Variants in SCFD2 observed in about 807,000 individuals in gnomAD.
SCFD2 encodes sec1 family domain-containing protein 2.
In SCFD2, 54 loss-of-function variants were observed where a neutral mutation model predicts 58.9. The observed-to-expected ratio is 0.92, with a 90% CI of 0.74 to 1.15. The LOEUF (loss-of-function observed/expected upper bound fraction) is 1.15. Ranked by LOEUF, SCFD2 falls within the 50% of genes most tolerant of loss-of-function variation. SCFD2 has a pLI of 0.00. For synonymous variants in SCFD2, 321 were observed against 335.9 expected, an observed-to-expected ratio of 0.96 and a Z score of 0.49; for missense variants, 805 against 836.6, an observed-to-expected ratio of 0.96 and a Z score of 0.47.
chr4:53,258,333 C>G (rs554060916), intron 4 of SCFD2, among the ~76,000 whole-genome samples: 1 of 151,986 alleles, frequency 6.6e-6, no homozygotes, highest in Middle Eastern at 3.4e-3. Flanking sequence ...ACACATTCCC[C>G]CAAGTCCCCA....
chr4:53,314,635 T>A (rs1330303952), intron 2 of SCFD2, among the ~76,000 whole-genome samples: 2 of 152,196 alleles, frequency 1.3e-5, no homozygotes, highest in African/African-American at 4.8e-5. Context: ...ATCCACTTAG[T>A]AATAGTTCAA....
At chr4:53,217,480 T>C (rs1004349918) in intron 4 of SCFD2, among the ~76,000 whole-genome samples, 3 of 152,150 alleles carry the variant, frequency 2.0e-5, no homozygotes, top group African/African-American at 7.2e-5. Context: ...CCTTTTTTTG[T>C]TTTCCATTTG....
At chr4:53,276,405 G>GA (rs563950548) in intron 3 of SCFD2, among the ~76,000 whole-genome samples, 211 of 152,036 alleles carry the variant, frequency 1.4e-3, no homozygotes, top group African/African-American at 4.8e-3. Context: ...AGGGGTTTGT[G>GA]AAAAAAACTT....
At chr4:53,309,382 G>T (rs913702387) in intron 3 of SCFD2, among the ~76,000 whole-genome samples, 4 of 152,194 alleles carry the variant, frequency 2.6e-5, no homozygotes, top group Non-Finnish European at 4.4e-5. Context: ...ACACTAAGAT[G>T]TCCCAGAACT....
In SCFD2 at chr4:52,914,858, C is replaced by T. The variant is rs1304704812; in HGVS notation, c.1707+5867G>A. ...ATATCGTGGCCCTGTATGAGAGCCT[C>T]ATGAGGCTGGCCTGATAGCTTGGTA... is the stretch of plus-strand genomic sequence containing the variant. On this transcript the variant is annotated intron_variant, in intron 6 of 8. Transcript: ENST00000401642. Among the ~76,000 whole-genome samples the T allele has an allele frequency of 3.9e-5, 6 of 152,120 alleles. No individual in the cohort carries two copies. In the East Asian group the frequency reaches 1.2e-3, roughly 29 times the overall value.
At chr4:53,249,181 A>C (rs1343363472) in intron 4 of SCFD2, among the ~76,000 whole-genome samples, 12 of 152,216 alleles carry the variant, frequency 7.9e-5, no homozygotes, top group Non-Finnish European at 1.8e-4. Flanking sequence ...GGAGCCGATG[A>C]GATAAACTGG....
chr4:53,180,679 C>T (rs1389923955), intron 4 of SCFD2, among the ~76,000 whole-genome samples: 7 of 151,980 alleles, frequency 4.6e-5, no homozygotes, highest in African/African-American at 1.2e-4. Flanking sequence ...AACAGAGACA[C>T]AAAAAACCCT....
intron 4 of SCFD2, among the ~76,000 whole-genome samples, chr4:53,196,534 T>G (rs1204582703): frequency 6.6e-6 from 1 of 152,164 alleles, no homozygotes; most frequent in African/African-American, 2.4e-5. Flanking sequence ...GCAAAGACCA[T>G]TCGCGAGAGA....
intron 5 of SCFD2, among the ~76,000 whole-genome samples, chr4:53,035,174 T>A (rs1052010393): frequency 1.3e-5 from 2 of 151,984 alleles, no homozygotes; most frequent in African/African-American, 4.8e-5. Context: ...ACACCACACA[T>A]CTACAACCAT....
chr4:52,974,589 A>G (rs1721201510), intron 5 of SCFD2, among the ~76,000 whole-genome samples: 1 of 152,320 alleles, frequency 6.6e-6, no homozygotes, highest in Admixed American at 6.5e-5. Flanking sequence ...AAATGGCCAT[A>G]CTGCCCAAGG....
chr4:53,151,203 C>T (rs1223495063), intron 4 of SCFD2, among the ~76,000 whole-genome samples: 2 of 152,118 alleles, frequency 1.3e-5, no homozygotes, highest in African/African-American at 4.8e-5. Flanking sequence ...AGGTCAAAGG[C>T]AATATAAACA....
rs189131137 is a variant in SCFD2, at chr4:53,246,402, A to G, written c.1311+27424T>C. Among the ~76,000 whole-genome samples, 296 of 152,330 alleles carry G rather than the reference A, an allele frequency of 1.9e-3. 1 individual carries two copies. Among genetic ancestry groups the G allele is most frequent in the African/African-American group, 6.8e-3 (281 of 41,574 alleles). ...CCGAATAGCCAAGGGAATCCTAACC[A>G]AAAAGAACAAAGCTGGACACATCAC... is the stretch of plus-strand genomic sequence containing the variant. On this transcript the variant is annotated intron_variant, in intron 4 of 8. Coordinates refer to ENST00000401642, the MANE Select transcript of SCFD2 (RefSeq NM_152540.4).
At chr4:53,037,684 T>C (rs1560309334) in intron 5 of SCFD2, among the ~76,000 whole-genome samples, 1 of 152,212 alleles carries the variant, frequency 6.6e-6, no homozygotes, top group Non-Finnish European at 1.5e-5. Flanking sequence ...ACACAAATCC[T>C]GTAAGCACAG....
intron 4 of SCFD2, among the ~76,000 whole-genome samples, chr4:53,207,533 T>TATAA (rs1728457226): frequency 7.7e-5 from 1 of 13,028 alleles, no homozygotes; most frequent in African/African-American, 3.7e-4. Context: ...ATAATATTTA[T>TATAA]ATATTATATA....
chr4:53,215,966 G>A (rs1728814940), intron 4 of SCFD2, among the ~76,000 whole-genome samples: 1 of 152,148 alleles, frequency 6.6e-6, no homozygotes, highest in Admixed American at 6.5e-5. Context: ...TGCTTACGTT[G>A]AACCAGCCTT....
intron 4 of SCFD2, among the ~76,000 whole-genome samples, chr4:53,171,504 C>G (rs2148936937): frequency 6.6e-6 from 1 of 152,270 alleles, no homozygotes; most frequent in Admixed American, 6.5e-5. Context: ...CCTTCTCTGG[C>G]TTTGGTACCA....
At chr4:53,119,508 G>C (rs1223399606) in intron 5 of SCFD2, among the ~76,000 whole-genome samples, 1 of 151,992 alleles carries the variant, frequency 6.6e-6, no homozygotes, top group South Asian at 2.1e-4. Context: ...ATAAAATAAA[G>C]TTTCTGCCCA....
At chr4:53,337,639 A>G (rs1002327280) in intron 2 of SCFD2, among the ~76,000 whole-genome samples, 1 of 152,350 alleles carries the variant, frequency 6.6e-6, no homozygotes, top group African/African-American at 2.4e-5. Context: ...AAGAATGTTC[A>G]TACCAGTAAA....
chr4:53,120,188 T>C (rs1725439709), intron 5 of SCFD2, among the ~76,000 whole-genome samples: 1 of 152,162 alleles, frequency 6.6e-6, no homozygotes, highest in Admixed American at 6.5e-5. Flanking sequence ...TATACTTCAA[T>C]AAAGCTGGGG....
Sources: gnomAD v4.1 joint callset for allele counts (sites outside exome capture counted in the v4.1 genomes callset) on GRCh38, gnomAD v4.1.1 for gene constraint, MANE v1.5 for transcripts, NCBI Gene and HGNC (gene_info 2026-07-23, HGNC 2026-07-21) for gene names.